The following AK2 variants were observed in gnomAD, a reference collection of about 807,000 sequenced individuals.
AK2 encodes the protein adenylate kinase 2, also known as adenylate kinase 2, mitochondrial.
In AK2, 15 loss-of-function variants were observed where a neutral mutation model predicts 24.6. The observed-to-expected ratio is 0.61, with a 90% CI of 0.41 to 0.94. AK2 has a LOEUF of 0.94. Among genes scored for constraint, AK2 ranks in the 40% least tolerant of loss-of-function variants. AK2 has a pLI of 0.00. For synonymous variants in AK2, 102 were observed against 114.0 expected, an observed-to-expected ratio of 0.90 and a Z score of 0.67; for missense variants, 257 against 304.1, an observed-to-expected ratio of 0.85 and a Z score of 1.15.
rs1193830456 is a variant in AK2 at position 33,009,649 on chromosome 1, C to A, written c.*3532G>T. Reference sequence around the variant, plus strand: ...GAGGAAACAGGAGCACAGTGAATAACTAACTGGCTGGGATTTGTCCTAGGT... The same window carrying A: ...GAGGAAACAGGAGCACAGTGAATAAATAACTGGCTGGGATTTGTCCTAGGT... On this transcript the variant is annotated 3_prime_UTR_variant, in exon 6 of 6. Transcript: ENST00000672715. The A allele has an allele frequency of 2.2e-6, 1 of 453,972 alleles. No homozygotes were observed. Among genetic ancestry groups the A allele is most frequent in the Middle Eastern group, 6.8e-4 (1 of 1,466 alleles). 28.1% of individuals were successfully genotyped at this position (453,972 alleles called of 1,614,324 possible).
At chr1:33,014,481 GA>G in intron 5 of AK2, 40 bp downstream of exon 5, 1 of 1,474,910 alleles carries the variant, frequency 6.8e-7, no homozygotes, top group Non-Finnish European at 9.5e-7. Flanking sequence ...GAAGAAAGGG[GA>G]AGGAAAGAAA....
intron 5 of AK2, 53 bp from the exon 6 acceptor site, chr1:33,013,455 T>C (rs1638981269): frequency 6.4e-7 from 1 of 1,573,330 alleles, no homozygotes. Context: ...AAGGTTTTCT[T>C]ATTCCATGCC....
In AK2 at chr1:33,008,073, T is replaced by C; in HGVS notation, c.*5108A>G. On this transcript the variant is annotated 3_prime_UTR_variant, in exon 6 of 6. Coordinates refer to ENST00000672715, the MANE Select transcript of AK2 (RefSeq NM_001625.4). ...TGCATATAATTTCAGAGGTCTATGA[T>C]TTCTAGGGGATCCTTAGCCTGGTTC... 2.2e-6 allele frequency: 1 copy of C among 454,146 alleles called. No individual in the cohort carries two copies. The highest frequency in any genetic ancestry group is 1.6e-5 in the South Asian group (1 of 64,478). 28.1% of individuals were successfully genotyped at this position (454,146 alleles called of 1,614,324 possible). A position where few individuals can be genotyped will look rare whatever the true frequency, so the allele number is the denominator to read the frequency against.
Position 33,010,940 on chromosome 1 carries a change from G to T in AK2, c.*2241C>A. 1.3e-6 allele frequency: 2 copies of T among 1,576,778 alleles called. No individual in the cohort carries two copies. The highest frequency in any genetic ancestry group is 1.7e-6 in the Non-Finnish European group (2 of 1,160,528). ...CCAGCAACCAAATGCATTAAACACT[G>T]GACATTTCTGTGACAGGTAAAAGCA... On this transcript the variant is annotated 3_prime_UTR_variant, in exon 6 of 6. Transcript: ENST00000672715.
At chr1:33,022,731 T>C (rs899964320) in intron 2 of AK2, among the ~76,000 whole-genome samples, 5 of 152,156 alleles carry the variant, frequency 3.3e-5, no homozygotes, top group African/African-American at 1.2e-4. Flanking sequence ...CTGGTTTTTC[T>C]CTTGGGCTGT....
intron 1 of AK2, among the ~76,000 whole-genome samples, chr1:33,025,207 AAAAG>A (rs1639804422): frequency 6.6e-6 from 1 of 151,954 alleles, no homozygotes; most frequent in Non-Finnish European, 1.5e-5. Flanking sequence ...AAAAAAAAAA[AAAAG>A]AGAATAAAAA....
intron 4 of AK2, among the ~76,000 whole-genome samples, chr1:33,018,618 A>G (rs2124311535): frequency 6.6e-6 from 1 of 152,272 alleles, no homozygotes; most frequent in East Asian, 1.9e-4. Context: ...CTCTGTGAGG[A>G]CGGGGGTCCT....
chr1:33,034,444 C>A lies in AK2; in HGVS notation c.93+2292G>T, dbSNP rs554871367. On this transcript the variant is annotated intron_variant, in intron 1 of 5. Coordinates refer to ENST00000672715, the MANE Select transcript of AK2 (RefSeq NM_001625.4). Reference sequence around the variant, plus strand: ...CAGGCTGTCATCTAGGTTGTGGGTGCTTGATACACACACACACACACACAC... The same window carrying A: ...CAGGCTGTCATCTAGGTTGTGGGTGATTGATACACACACACACACACACAC... 4.4e-3 allele frequency among the ~76,000 whole-genome samples: 588 copies of A among 134,366 alleles called. 7 individuals are homozygous for A. Among genetic ancestry groups the A allele is most frequent in the African/African-American group, 0.018 (564 of 31,304 alleles). The allele number at this position is 134,366 out of a possible 152,430, so 88.1% of individuals were successfully genotyped here.
At position 33,011,097 on chromosome 1, in the gene AK2, G is replaced by A; in HGVS notation, c.*2084C>T. 1 of 1,435,718 alleles carries A rather than the reference G, an allele frequency of 7.0e-7. No homozygotes were observed. The highest frequency in any genetic ancestry group is 9.1e-7 in the Non-Finnish European group (1 of 1,099,812). The allele number at this position is 1,435,718 out of a possible 1,614,324, so 88.9% of individuals were successfully genotyped here. ...GGCAGCCCAAATATTACTTGTACAT[G>A]TTGTATGCACACGTGAATCTATGTG... On this transcript the variant is annotated 3_prime_UTR_variant, in exon 6 of 6. Coordinates refer to ENST00000672715, the MANE Select transcript of AK2 (RefSeq NM_001625.4).
intron 1 of AK2, among the ~76,000 whole-genome samples, chr1:33,034,878 G>A (rs1052175610): frequency 2.0e-5 from 3 of 151,954 alleles, no homozygotes; most frequent in East Asian, 3.9e-4. Context: ...GCAAGACCCT[G>A]TCTCTACAAA....
At chr1:33,034,829 G>A (rs918147635) in intron 1 of AK2, among the ~76,000 whole-genome samples, 11 of 152,008 alleles carry the variant, frequency 7.2e-5, no homozygotes, top group South Asian at 2.1e-4. Context: ...CAGGATGATC[G>A]CCTGTGTCCA....
chr1:33,013,437 C>G, intron 5 of AK2, 35 bp from the exon 6 acceptor site: 2 of 1,596,646 alleles, frequency 1.3e-6, no homozygotes, highest in Non-Finnish European at 1.7e-6. Context: ...AAGGCTGGGA[C>G]TGTTAGCAAG....
intron 1 of AK2, among the ~76,000 whole-genome samples, chr1:33,027,380 C>T (rs537634841): frequency 6.6e-6 from 1 of 152,284 alleles, no homozygotes; most frequent in South Asian, 2.1e-4. Flanking sequence ...AACTGCAGGA[C>T]TCTTATGCAC....
Position 33,016,402 on chromosome 1 carries a change from G to A in AK2, c.426-1808C>T, listed in dbSNP as rs1191260728. Among the ~76,000 whole-genome samples the A allele has an allele frequency of 5.3e-5, 8 of 151,798 alleles. No homozygotes were observed. In the East Asian group the frequency reaches 1.2e-3, roughly 22 times the overall value. On this transcript the variant is annotated intron_variant, in intron 4 of 5. Transcript: ENST00000672715. ...AATTTTTTGTATATTTAGTAGAAAC[G>A]GGGTTTCACCGTGTTAGCCAGGATG... is the stretch of plus-strand genomic sequence containing the variant.
chr1:33,016,918 G>A (rs959641514), intron 4 of AK2, among the ~76,000 whole-genome samples: 19 of 151,812 alleles, frequency 1.3e-4, no homozygotes, highest in Admixed American at 1.1e-3. Context: ...TGTTGGCCAG[G>A]CTGGTCTCGA....
Position 33,008,696 on chromosome 1 carries a change from G to A in AK2, c.*4485C>T, listed in dbSNP as rs996879732. On this transcript the variant is annotated 3_prime_UTR_variant, in exon 6 of 6. Transcript: ENST00000672715. ...GAGTCTGGTTTCCTCACCTATAAAAGTGAAGGACAGTTCTGACTCCACAGG... is the reference window on the plus strand; with the variant it reads ...GAGTCTGGTTTCCTCACCTATAAAAATGAAGGACAGTTCTGACTCCACAGG... 2.2e-6 allele frequency: 1 copy of A among 453,988 alleles called. No homozygotes were observed. Among genetic ancestry groups the A allele is most frequent in the African/African-American group, 2.0e-5 (1 of 50,006 alleles). The allele number at this position is 453,988 out of a possible 1,614,324, so 28.1% of individuals were successfully genotyped here. A position where few individuals can be genotyped will look rare whatever the true frequency, so the allele number is the denominator to read the frequency against.
intron 1 of AK2, chr1:33,031,469 G>A (rs1012884): frequency 0.97 from 390,974 of 404,410 alleles, 189,094 homozygotes; most frequent in East Asian, 1. Context: ...GGTCTGTCAC[G>A]TAACTGAGCA....
rs1639563782 is a variant in AK2 at position 33,021,640 on chromosome 1, C to T, written c.283G>A (p.Gly95Ser). Residue 95 changes from glycine (G) to serine (S), a missense_variant, in exon 3 of 6, where the codon GGT (glycine) becomes AGT (serine). By Grantham distance (56) the Gly-to-Ser change is moderately conservative. Transcript: ENST00000672715. ...CGAGGGAAGCCATCCAGAAGAAAAC[C>T]ATTTTTGCACAAGGGGGTCTCCAAA... ...KNLETPLCKN[G>S]FLLDGFPRTV... is the part of the protein sequence containing the mutation. 6.2e-7 allele frequency: 1 copy of T among 1,614,198 alleles called. No homozygotes were observed. Among genetic ancestry groups the T allele is most frequent in the Non-Finnish European group, 8.5e-7 (1 of 1,180,028 alleles).
At chr1:33,035,540 G>A (rs565802608) in intron 1 of AK2, among the ~76,000 whole-genome samples, 18 of 152,290 alleles carry the variant, frequency 1.2e-4, no homozygotes, top group African/African-American at 4.3e-4. Flanking sequence ...CCTCTTTGAA[G>A]CCTAACAACA....
Sources: allele counts gnomAD v4.1 joint callset (sites outside exome capture counted in the v4.1 genomes callset), GRCh38; gene constraint gnomAD v4.1.1; transcripts MANE v1.5; gene names NCBI Gene and HGNC (gene_info 2026-07-23, HGNC 2026-07-21).